RUSF1: variants seen among roughly 807,000 people sequenced by gnomAD.
The protein encoded by RUSF1 is RUS family member 1.
Under a neutral mutation model 63.0 loss-of-function variants are expected in RUSF1, and 58 were observed. The ratio of observed to expected loss-of-function variants is 0.92; its 90% confidence interval spans 0.75 to 1.15. The LOEUF (loss-of-function observed/expected upper bound fraction) is 1.15, where lower values mean the gene tolerates loss of function less well. Among genes scored for constraint, RUSF1 ranks in the 50% most tolerant of loss-of-function variants. The pLI, the probability that RUSF1 is intolerant of heterozygous loss-of-function variation, is 0.00. For synonymous variants in RUSF1, 274 were observed against 255.8 expected (o/e 1.07, Z -0.68); for missense variants, 652 against 611.0 (o/e 1.07, Z -0.71).
intron 10 of RUSF1, among the ~76,000 whole-genome samples, chr16:31,492,677 G>A (rs1160636195): frequency 6.6e-6 from 1 of 152,228 alleles, no homozygotes; most frequent in African/African-American, 2.4e-5. Context: ...GGAGAGAAGG[G>A]TGGTTTCCCA....
At position 31,499,198 on chromosome 16, in the gene RUSF1, T is replaced by A; in HGVS notation, c.600+104A>T. 3 of 1,063,840 alleles carry A rather than the reference T, an allele frequency of 2.8e-6. No individual in the cohort carries two copies. In the South Asian group the frequency reaches 4.1e-5, roughly 14 times the overall value. The allele number at this position is 1,063,840 out of a possible 1,614,324, so 65.9% of individuals were successfully genotyped here. A position where few individuals can be genotyped will look rare whatever the true frequency, so the allele number is the denominator to read the frequency against. On this transcript the variant is annotated intron_variant, in intron 5 of 12. Coordinates refer to ENST00000327237, the MANE Select transcript of RUSF1 (RefSeq NM_022744.4). ...GGTTCGAGTAGAAACATCTGAACTT[T>A]CTTATTCTTCTTGAAGTGGCAGGTA...
chr16:31,490,818 G>A lies in RUSF1; in HGVS notation c.*17C>T. On this transcript the variant is annotated 3_prime_UTR_variant, in exon 13 of 13. Coordinates refer to ENST00000327237, the MANE Select transcript of RUSF1 (RefSeq NM_022744.4). ...CTCCAGGTTCCTGCCCTGGGCTTGG[G>A]CCTCCGTCTGGGCTGCTCACAAGAC... is the stretch of plus-strand genomic sequence containing the variant. The A allele has an allele frequency of 1.2e-6, 2 of 1,613,416 alleles. No homozygotes were observed. Among genetic ancestry groups the A allele is most frequent in the East Asian group, 4.5e-5 (2 of 44,860 alleles).
At position 31,490,214 on chromosome 16, in the gene RUSF1, T is replaced by C; in HGVS notation, c.*621A>G. ...CTGTACAGAATGGGTGCCCAGAGAG[T>C]GCCATGGAGATGAATGGTAGGGCAC... is the stretch of plus-strand genomic sequence containing the variant. On this transcript the variant is annotated 3_prime_UTR_variant, in exon 13 of 13. Coordinates refer to ENST00000327237, the MANE Select transcript of RUSF1 (RefSeq NM_022744.4). 6.2e-7 allele frequency: 1 copy of C among 1,613,840 alleles called. No homozygotes were observed. The highest frequency in any genetic ancestry group is 1.1e-5 in the South Asian group (1 of 91,048).
intron 9 of RUSF1, 76 bp downstream of exon 9, chr16:31,493,390 AG>A (rs1377605553): frequency 6.6e-7 from 1 of 1,511,638 alleles, no homozygotes; most frequent in Admixed American, 2.0e-5. Flanking sequence ...GGGCCTTGCC[AG>A]GGAGGCCAGT....
Position 31,508,286 on chromosome 16 carries a change from C to G in RUSF1, c.88G>C (p.Gly30Arg). 1 of 1,574,174 alleles carries G rather than the reference C, an allele frequency of 6.4e-7. No homozygotes were observed. ...EARGCRAAAD[G>R]SLQWEVGGWR... Reference sequence around the variant, plus strand: ...CCCCCGACCTCCCACTGCAGGCTCCCGTCCGCGGCGGCGCGGCAGCCCCGT... The same window carrying G: ...CCCCCGACCTCCCACTGCAGGCTCCGGTCCGCGGCGGCGCGGCAGCCCCGT... Residue 30 changes from glycine (G) to arginine (R), a missense_variant, in exon 1 of 13, where the codon GGG becomes CGG. Coordinates refer to ENST00000327237, the MANE Select transcript of RUSF1 (RefSeq NM_022744.4).
At chr16:31,507,943 CTG>C in intron 1 of RUSF1, 65 bp from the exon 2 acceptor site, 1 of 1,537,866 alleles carries the variant, frequency 6.5e-7, no homozygotes, top group Non-Finnish European at 8.8e-7. Flanking sequence ...GTGCCTTCAT[CTG>C]TTCTTGTTCT....
At chr16:31,491,955 GC>G in intron 12 of RUSF1, 53 bp downstream of exon 12, 1 of 1,593,028 alleles carries the variant, frequency 6.3e-7, no homozygotes, top group Non-Finnish European at 8.6e-7. Flanking sequence ...GGAAGGCGGG[GC>G]CCCCAGGGAC....
Position 31,493,851 on chromosome 16 carries a change from C to G in RUSF1, c.773+15G>C. 6.2e-7 allele frequency: 1 copy of G among 1,614,186 alleles called. No homozygotes were observed. Among genetic ancestry groups the G allele is most frequent in the East Asian group, 2.2e-5 (1 of 44,878 alleles). On this transcript the variant is annotated intron_variant, in intron 7 of 12. Coordinates refer to ENST00000327237, the MANE Select transcript of RUSF1 (RefSeq NM_022744.4). ...CCCAGCTGGGGTTCTCCTGCCCACCCTGCTTCCGGCTTACCCAGGGCAACC... is the reference window on the plus strand; with the variant it reads ...CCCAGCTGGGGTTCTCCTGCCCACCGTGCTTCCGGCTTACCCAGGGCAACC...
chr16:31,503,058 AATGAT>A (rs2082640548), intron 2 of RUSF1, among the ~76,000 whole-genome samples: 2 of 152,238 alleles, frequency 1.3e-5, no homozygotes, highest in Admixed American at 6.5e-5. Flanking sequence ...TTACAGGACA[AATGAT>A]ATATATACTC....
At chr16:31,508,025 G>A (rs1054554575) in intron 1 of RUSF1, 49 bp downstream of exon 1, 2 of 1,560,072 alleles carry the variant, frequency 1.3e-6, no homozygotes, top group East Asian at 2.4e-5. Context: ...CATTATTGGG[G>A]AGGGAGGAGT....
rs547562176 is a variant in RUSF1 at position 31,496,257 on chromosome 16, C to T, written c.702+592G>A. ...TATATATTATGTAGAGATGGGGTCTCGCCGGGTTGCCCAGGCTGGTTTCAA... is the reference window on the plus strand; with the variant it reads ...TATATATTATGTAGAGATGGGGTCTTGCCGGGTTGCCCAGGCTGGTTTCAA... On this transcript the variant is annotated intron_variant, in intron 6 of 12. Coordinates refer to ENST00000327237, the MANE Select transcript of RUSF1 (RefSeq NM_022744.4). Among the ~76,000 whole-genome samples the T allele has an allele frequency of 7.9e-5, 12 of 152,250 alleles. No homozygotes were observed. The South Asian group carries it at 1.0e-3, about 13-fold the overall frequency.
chr16:31,499,261 G>A (rs2082619918), intron 5 of RUSF1, 41 bp downstream of exon 5: 1 of 1,530,278 alleles, frequency 6.5e-7, no homozygotes, highest in Admixed American at 1.7e-5. Context: ...CACTACCAAG[G>A]CAGGTGTTTT....
rs772337964 is a variant in RUSF1 at position 31,490,795 on chromosome 16, C to T, written c.*40G>A. On this transcript the variant is annotated 3_prime_UTR_variant, in exon 13 of 13. Transcript: ENST00000327237. ...CTGCTGTGGCCAAAGTGTCCTTGCT[C>T]CAGGTTCCTGCCCTGGGCTTGGGCC... 3 of 1,605,268 alleles carry T rather than the reference C, an allele frequency of 1.9e-6. No individual in the cohort carries two copies. The Admixed American group carries it at 5.0e-5, about 27-fold the overall frequency.
chr16:31,496,884 T>C lies in RUSF1; in HGVS notation c.667A>G (p.Asn223Asp), dbSNP rs1331578556. The change falls in exon 6 of 13, where the codon AAC becomes GAC. Residue 223 changes from asparagine (N) to aspartate (D), a missense_variant. Transcript: ENST00000327237. ...ALTVHQARRN[N>D]MADVSAKDSS... ...TCCTTGGCTGACACGTCAGCCATGTTGTTCCTCCGAGCCTGGTGCACGGTC... is the reference window on the plus strand; with the variant it reads ...TCCTTGGCTGACACGTCAGCCATGTCGTTCCTCCGAGCCTGGTGCACGGTC... 1.2e-6 allele frequency: 2 copies of C among 1,609,054 alleles called. No individual in the cohort carries two copies. Among genetic ancestry groups the C allele is most frequent in the Admixed American group, 1.7e-5 (1 of 59,442 alleles).
intron 6 of RUSF1, 100 bp from the exon 7 acceptor site, chr16:31,494,036 C>G: frequency 7.8e-7 from 1 of 1,289,040 alleles, no homozygotes; most frequent in Admixed American, 2.1e-5. Context: ...CCACAACCTC[C>G]CAGGGCTCCT....
intron 2 of RUSF1, among the ~76,000 whole-genome samples, chr16:31,506,941 C>CA (rs1031673857): frequency 7.9e-5 from 12 of 152,230 alleles, no homozygotes; most frequent in South Asian, 2.1e-4. Flanking sequence ...CCTGTTTTCT[C>CA]AAAAAAATCC....
intron 2 of RUSF1, among the ~76,000 whole-genome samples, chr16:31,501,639 C>T (rs1427831574): frequency 3.3e-5 from 5 of 150,906 alleles, no homozygotes; most frequent in Admixed American, 1.3e-4. Flanking sequence ...TGGGGTTGCA[C>T]GGCAGAGGGA....
At chr16:31,504,751 A>G (rs2082649803) in intron 2 of RUSF1, among the ~76,000 whole-genome samples, 1 of 152,216 alleles carries the variant, frequency 6.6e-6, no homozygotes, top group African/African-American at 2.4e-5. Context: ...GAAGAGGAGG[A>G]CATAAGAAAC....
At chr16:31,502,721 C>T (rs2082638795) in intron 2 of RUSF1, among the ~76,000 whole-genome samples, 1 of 152,242 alleles carries the variant, frequency 6.6e-6, no homozygotes, top group African/African-American at 2.4e-5. Context: ...TCCCATCCCT[C>T]ACTTTAACCT....
Sources: gnomAD v4.1 joint callset for allele counts (sites outside exome capture counted in the v4.1 genomes callset) on GRCh38, gnomAD v4.1.1 for gene constraint, MANE v1.5 for transcripts, NCBI Gene and HGNC (gene_info 2026-07-23, HGNC 2026-07-21) for gene names.